The following AKAP19 variants were observed in gnomAD, a reference collection of about 807,000 sequenced individuals.
AKAP19 encodes the protein small A-kinase anchoring protein.
chr2:189,903,123 T>C, the AKAP19 span, among the ~76,000 whole-genome samples: 1 of 151,802 alleles, frequency 6.6e-6, no homozygotes, highest in South Asian at 2.1e-4. Context: ...AATCAGAGAG[T>C]AAAAGATGGG....
At chr2:190,126,789 TG>T in the AKAP19 span, among the ~76,000 whole-genome samples, 2 of 151,338 alleles carry the variant, frequency 1.3e-5, no homozygotes, top group South Asian at 4.2e-4. Context: ...AAAGTGAAGA[TG>T]GTTTTTACTT....
chr2:190,070,059 G>A, the AKAP19 span, among the ~76,000 whole-genome samples: 1 of 152,136 alleles, frequency 6.6e-6, no homozygotes, highest in Non-Finnish European at 1.5e-5. Flanking sequence ...TTTTTTTAAT[G>A]TTCTAAAATG....
the AKAP19 span, among the ~76,000 whole-genome samples, chr2:190,094,256 T>C: frequency 2.0e-3 from 301 of 152,330 alleles, 1 homozygote; most frequent in Non-Finnish European, 3.3e-3. Context: ...TTAAAGGTTT[T>C]TTTAAAAAGG....
the AKAP19 span, among the ~76,000 whole-genome samples, chr2:190,019,617 C>A: frequency 6.6e-6 from 1 of 151,868 alleles, no homozygotes; most frequent in East Asian, 1.9e-4. Context: ...TTCTACCTGA[C>A]CCTAGGTGAT....
chr2:190,173,114 C>CAAAAAA, the AKAP19 span, among the ~76,000 whole-genome samples: 1,573 of 143,954 alleles, frequency 0.011, 29 homozygotes, highest in African/African-American at 0.036. Flanking sequence ...GACTCCATCT[C>CAAAAAA]AAAAAAAATA....
the AKAP19 span, among the ~76,000 whole-genome samples, chr2:190,123,823 G>A: frequency 1.8e-3 from 281 of 152,330 alleles, no homozygotes; most frequent in Middle Eastern, 3.4e-3. Flanking sequence ...GAGTCTGAGC[G>A]CATGTAGGTG....
At chr2:190,193,487 T>C in the AKAP19 span, among the ~76,000 whole-genome samples, 7 of 152,188 alleles carry the variant, frequency 4.6e-5, no homozygotes, top group African/African-American at 9.6e-5. Flanking sequence ...TGGTATTACT[T>C]CCTCGTAATG....
the AKAP19 span, among the ~76,000 whole-genome samples, chr2:189,999,152 C>G: frequency 5.3e-5 from 8 of 151,412 alleles, no homozygotes; most frequent in Admixed American, 1.3e-4. Context: ...CTTATTTTTC[C>G]AGTTTTTTTT....
At chr2:190,108,616 T>C in the AKAP19 span, among the ~76,000 whole-genome samples, 3 of 152,258 alleles carry the variant, frequency 2.0e-5, no homozygotes, top group South Asian at 6.2e-4. Context: ...GGGCAATGAG[T>C]ATGAGAAGGT....
At chr2:190,064,481 T>G in the AKAP19 span, among the ~76,000 whole-genome samples, 21 of 152,154 alleles carry the variant, frequency 1.4e-4, no homozygotes, top group South Asian at 3.9e-3. Context: ...CAGATAGACC[T>G]GAGTTCAAAT....
At chr2:190,127,204 AAAAT>A in the AKAP19 span, among the ~76,000 whole-genome samples, 10 of 152,164 alleles carry the variant, frequency 6.6e-5, no homozygotes, top group Admixed American at 4.6e-4. Context: ...AAAAAAAAAA[AAAAT>A]AAGACATCTG....
At chr2:190,000,366 C>T in the AKAP19 span, among the ~76,000 whole-genome samples, 1 of 152,330 alleles carries the variant, frequency 6.6e-6, no homozygotes, top group South Asian at 2.1e-4. Flanking sequence ...CAGCTATCTT[C>T]TAAGCTCATT....
chr2:190,005,252 A>C, the AKAP19 span, among the ~76,000 whole-genome samples: 6 of 152,206 alleles, frequency 3.9e-5, no homozygotes, highest in Non-Finnish European at 8.8e-5. Flanking sequence ...CAGCTGGCTC[A>C]GGTGGCCAGC....
chr2:190,196,446 T>A, the AKAP19 span, among the ~76,000 whole-genome samples: 1 of 152,094 alleles, frequency 6.6e-6, no homozygotes, highest in Non-Finnish European at 1.5e-5. Flanking sequence ...TCACTAGTTT[T>A]TCCTTTATTT....
At chr2:190,101,701 A>G in the AKAP19 span, among the ~76,000 whole-genome samples, 1 of 152,160 alleles carries the variant, frequency 6.6e-6, no homozygotes, top group Admixed American at 6.5e-5. Context: ...TACTTCTAGT[A>G]TATAAAAAGA....
chr2:190,038,451 T>G, the AKAP19 span, among the ~76,000 whole-genome samples: 1 of 152,188 alleles, frequency 6.6e-6, no homozygotes, highest in African/African-American at 2.4e-5. Flanking sequence ...ATATTAGATA[T>G]AAGACTATGT....
the AKAP19 span, chr2:190,202,877 G>C: frequency 6.0e-6 from 1 of 167,010 alleles, no homozygotes; most frequent in Non-Finnish European, 1.5e-5. Flanking sequence ...CCCAGTTGTC[G>C]CTTATGTACT....
At chr2:189,895,874 G>A in the AKAP19 span, among the ~76,000 whole-genome samples, 4 of 151,982 alleles carry the variant, frequency 2.6e-5, no homozygotes, top group South Asian at 2.1e-4. Flanking sequence ...ACCCAGTCAC[G>A]GTGGTACATG....
At chr2:189,977,883 G>A in the AKAP19 span, among the ~76,000 whole-genome samples, 1 of 152,188 alleles carries the variant, frequency 6.6e-6, no homozygotes, top group Non-Finnish European at 1.5e-5. Context: ...TACACATTCA[G>A]TAGAAACCAT....
Sources: allele counts gnomAD v4.1 joint callset (sites outside exome capture counted in the v4.1 genomes callset), GRCh38; gene constraint gnomAD v4.1.1; transcripts MANE v1.5; gene names NCBI Gene and HGNC (gene_info 2026-07-23, HGNC 2026-07-21).